Variants in KSR1 observed in about 807,000 individuals in gnomAD.
KSR1 encodes the protein kinase suppressor of ras.
Under a neutral mutation model 92.9 loss-of-function variants are expected in KSR1, and 35 were observed. That is an observed-to-expected ratio of 0.38 (90% confidence interval 0.29 to 0.50). The LOEUF (loss-of-function observed/expected upper bound fraction) is 0.50. Among genes scored for constraint, KSR1 ranks in the 20% least tolerant of loss-of-function variants. The pLI is 0.94. For missense variants in KSR1, 972 were observed against 1,158.5 expected, an observed-to-expected ratio of 0.84 and a Z score of 2.34; for synonymous variants, 467 against 472.6, an observed-to-expected ratio of 0.99 and a Z score of 0.15.
In KSR1 at chr17:27,625,615, T is replaced by G. The variant is rs1422627996; in HGVS notation, c.*2223T>G. The stretch of plus-strand genomic sequence containing the variant: ...CTTTAAAGAACCCCACCCCACCCCA[T>G]GATGGCCCCCTCTGTTCCCCTTGTA... On this transcript the variant is annotated 3_prime_UTR_variant, in exon 21 of 21. Coordinates refer to ENST00000644974, the MANE Select transcript of KSR1 (RefSeq NM_001394583.1). 6.8e-6 allele frequency: 1 copy of G among 146,762 alleles called. No individual in the cohort carries two copies. Among genetic ancestry groups the G allele is most frequent in the Non-Finnish European group, 1.5e-5 (1 of 66,878 alleles). 9.1% of individuals were successfully genotyped at this position (146,762 alleles called of 1,614,324 possible).
chr17:27,537,515 A>AC (rs1372127306), intron 1 of KSR1, among the ~76,000 whole-genome samples: 1 of 152,112 alleles, frequency 6.6e-6, no homozygotes, highest in South Asian at 2.1e-4. Flanking sequence ...ACATGGTGAA[A>AC]CCCCATCTCT....
Position 27,616,706 on chromosome 17 carries a change from C to A in KSR1, c.2494-589C>A, listed in dbSNP as rs181379811. On this transcript the variant is annotated intron_variant, in intron 18 of 20. Coordinates refer to ENST00000644974, the MANE Select transcript of KSR1 (RefSeq NM_001394583.1). ...AATAGGCCTTTCCTCACAGGCAGCT[C>A]TGAATCAGAAGGCTGCAGGGCCGTG... Among the ~76,000 whole-genome samples, 14 of 152,282 alleles carry A rather than the reference C, an allele frequency of 9.2e-5. No homozygotes were observed. In the East Asian group the frequency reaches 2.7e-3, roughly 29 times the overall value.
chr17:27,583,319 G>T (rs1210764996), intron 4 of KSR1, among the ~76,000 whole-genome samples: 1 of 152,276 alleles, frequency 6.6e-6, no homozygotes, highest in African/African-American at 2.4e-5. Flanking sequence ...ACATGCACAT[G>T]ACGTGATGCC....
chr17:27,588,425 T>A (rs2073049696), intron 5 of KSR1, 50 bp from the exon 6 acceptor site: 1 of 1,518,578 alleles, frequency 6.6e-7, no homozygotes, highest in East Asian at 2.5e-5. Flanking sequence ...GGGCACGAGC[T>A]GTCGCCTGCG....
intron 13 of KSR1, 53 bp downstream of exon 13, chr17:27,604,781 C>A: frequency 6.3e-7 from 1 of 1,585,574 alleles, no homozygotes; most frequent in East Asian, 2.2e-5. Flanking sequence ...TTTTCCCTTC[C>A]CCATCTCAGA....
Position 27,605,773 on chromosome 17 carries a change from G to T in KSR1, c.1954G>T (p.Gly652Trp). The change falls in exon 14 of 21, where the codon GGG becomes TGG. Residue 652 changes from glycine to tryptophan, a missense_variant. By Grantham distance (184) the Gly-to-Trp change is radical. This residue lies in a region of KSR1 where 260 missense variants were observed against 375.2 expected (regional missense o/e 0.69). Coordinates refer to ENST00000644974, the MANE Select transcript of KSR1 (RefSeq NM_001394583.1). ...GCATGAGAACGTGGTGCTCTTCATG[G>T]GGGCCTGCATGAACCCGCCCCACCT... ...TRHENVVLFM[G>W]ACMNPPHLAI... 6.2e-7 allele frequency: 1 copy of T among 1,612,734 alleles called. No homozygotes were observed. The highest frequency in any genetic ancestry group is 1.1e-5 in the South Asian group (1 of 91,026).
chr17:27,532,601 C>T (rs915843253), intron 1 of KSR1, among the ~76,000 whole-genome samples: 10 of 152,222 alleles, frequency 6.6e-5, no homozygotes, highest in Admixed American at 5.9e-4. Context: ...AGGAGGCCCT[C>T]GCTCTGGTTC....
intron 1 of KSR1, among the ~76,000 whole-genome samples, chr17:27,490,816 T>G (rs2068799717): frequency 6.6e-6 from 1 of 152,162 alleles, no homozygotes; most frequent in Non-Finnish European, 1.5e-5. Flanking sequence ...ATAGAAACGA[T>G]AGGCTGTACA....
chr17:27,609,084 ATAC>A, intron 15 of KSR1, 109 bp from the exon 16 acceptor site: 1 of 1,254,364 alleles, frequency 8.0e-7, no homozygotes, highest in South Asian at 1.5e-5. Flanking sequence ...TGGGGACAAT[ATAC>A]TGCATGGAAT....
chr17:27,550,787 T>G, intron 2 of KSR1, 79 bp downstream of exon 2: 2 of 702,166 alleles, frequency 2.8e-6, no homozygotes, highest in Non-Finnish European at 5.3e-6. Flanking sequence ...GAGGGCTAGC[T>G]TCCCCGTGGC....
At chr17:27,495,709 G>A (rs1245539164) in intron 1 of KSR1, among the ~76,000 whole-genome samples, 1 of 152,186 alleles carries the variant, frequency 6.6e-6, no homozygotes, top group African/African-American at 2.4e-5. Flanking sequence ...CTCTCACAGA[G>A]CATTCATTGC....
intron 1 of KSR1, among the ~76,000 whole-genome samples, chr17:27,509,131 A>G (rs997827919): frequency 2.6e-5 from 4 of 152,164 alleles, no homozygotes; most frequent in African/African-American, 9.7e-5. Context: ...GTGAGCAAGG[A>G]AAGAACAGTT....
At chr17:27,470,060 A>T (rs373576829) in intron 1 of KSR1, among the ~76,000 whole-genome samples, 1 of 137,566 alleles carries the variant, frequency 7.3e-6, no homozygotes, top group African/African-American at 2.7e-5. Context: ...CTGTTCTCCC[A>T]TTTTTTTTTT....
chr17:27,595,348 TG>T (rs1337403258), intron 9 of KSR1, among the ~76,000 whole-genome samples: 1 of 152,224 alleles, frequency 6.6e-6, no homozygotes, highest in Non-Finnish European at 1.5e-5. Context: ...CAAAAGAATG[TG>T]GAACAAACAT....
chr17:27,474,091 AG>A, intron 1 of KSR1, among the ~76,000 whole-genome samples: 1 of 152,310 alleles, frequency 6.6e-6, no homozygotes, highest in East Asian at 1.9e-4. Context: ...CCTAAACCAG[AG>A]GGGGCTTTTG....
At chr17:27,469,161 A>G (rs2019849678) in intron 1 of KSR1, among the ~76,000 whole-genome samples, 1 of 152,046 alleles carries the variant, frequency 6.6e-6, no homozygotes, top group Non-Finnish European at 1.5e-5. Flanking sequence ...AGCACCTGTA[A>G]AAGTCTTCCT....
intron 4 of KSR1, chr17:27,583,971 T>G (rs1342897843): frequency 2.0e-6 from 2 of 984,698 alleles, no homozygotes; most frequent in Admixed American, 6.1e-5. Flanking sequence ...TATAATTAAT[T>G]AAACCCCATT....
chr17:27,590,472 G>T (rs945453419), intron 6 of KSR1, among the ~76,000 whole-genome samples: 8 of 152,224 alleles, frequency 5.3e-5, no homozygotes, highest in Admixed American at 1.3e-4. Flanking sequence ...TGCAACACAT[G>T]TGGGCCTATG....
chr17:27,473,885 A>G (rs1485611582), intron 1 of KSR1, among the ~76,000 whole-genome samples: 2 of 152,134 alleles, frequency 1.3e-5, no homozygotes, highest in African/African-American at 4.8e-5. Flanking sequence ...CATTTGAGAC[A>G]AAACCCCAGG....
Sources: allele counts gnomAD v4.1 joint callset (sites outside exome capture counted in the v4.1 genomes callset), GRCh38; gene constraint gnomAD v4.1.1; regional missense constraint gnomAD v4.1.1; transcripts MANE v1.5; gene names NCBI Gene and HGNC (gene_info 2026-07-23, HGNC 2026-07-21).